Variants in ALDH4A1 observed in about 807,000 individuals in gnomAD.
The protein encoded by ALDH4A1 is delta-1-pyrroline-5-carboxylate dehydrogenase, mitochondrial.
Under a neutral mutation model 70.5 loss-of-function variants are expected in ALDH4A1, and 46 were observed. The ratio of observed to expected loss-of-function variants is 0.65; its 90% CI spans 0.51 to 0.83. The LOEUF is 0.83. Ranked by LOEUF, ALDH4A1 falls within the 40% of genes least tolerant of loss-of-function variation. The pLI, the probability that ALDH4A1 is intolerant of heterozygous loss-of-function variation, is 0.00. For missense variants in ALDH4A1, 749 were observed against 766.5 expected (o/e 0.98, Z 0.27); for synonymous variants, 323 against 324.3 (o/e 1.00, Z 0.04).
chr1:18,877,653 C>T (rs758838564), intron 9 of ALDH4A1, 41 bp from the exon 10 acceptor site: 2 of 1,393,884 alleles, frequency 1.4e-6, no homozygotes, highest in Admixed American at 3.4e-5. Flanking sequence ...GAGGAGCTGG[C>T]TCCCCCGGTT....
At chr1:18,884,036 A>G (rs1935095402) in intron 5 of ALDH4A1, among the ~76,000 whole-genome samples, 1 of 152,196 alleles carries the variant, frequency 6.6e-6, no homozygotes, top group South Asian at 2.1e-4. Context: ...TTCCAGATTG[A>G]CGTGGCCTCC....
intron 14 of ALDH4A1, among the ~76,000 whole-genome samples, chr1:18,874,037 C>T (rs191952150): frequency 9.2e-4 from 140 of 152,322 alleles, no homozygotes; most frequent in Admixed American, 2.5e-3. Flanking sequence ...CCATCAAGAG[C>T]TGGAGAACTG....
At chr1:18,886,712 T>C (rs1935219612) in intron 3 of ALDH4A1, among the ~76,000 whole-genome samples, 1 of 151,914 alleles carries the variant, frequency 6.6e-6, no homozygotes, top group African/African-American at 2.4e-5. Flanking sequence ...CGCTATACCA[T>C]GAGTAAGACA....
intron 9 of ALDH4A1, among the ~76,000 whole-genome samples, chr1:18,878,699 C>T (rs72936427): frequency 6.6e-6 from 1 of 152,186 alleles, no homozygotes. Flanking sequence ...ATGTGCCATG[C>T]GTATTAGAGC....
intron 1 of ALDH4A1, among the ~76,000 whole-genome samples, chr1:18,900,446 A>T (rs1221266003): frequency 6.6e-6 from 1 of 152,238 alleles, no homozygotes; most frequent in Non-Finnish European, 1.5e-5. Context: ...TCTCAACCGG[A>T]GGTGACTTTT....
chr1:18,877,389 C>G (rs190991471), intron 10 of ALDH4A1, 27 bp downstream of exon 10: 5 of 1,554,672 alleles, frequency 3.2e-6, no homozygotes, highest in African/African-American at 1.4e-5. Flanking sequence ...CCCGCTGGGC[C>G]GCGGCGGGGG....
At chr1:18,899,518 T>G (rs1340159691) in intron 1 of ALDH4A1, among the ~76,000 whole-genome samples, 1 of 152,142 alleles carries the variant, frequency 6.6e-6, no homozygotes, top group Non-Finnish European at 1.5e-5. Context: ...CTGAGGATAC[T>G]GATGGTAAAG....
At chr1:18,889,543 GC>G (rs1486858108) in intron 2 of ALDH4A1, 89 bp from the exon 3 acceptor site, 3 of 1,212,774 alleles carry the variant, frequency 2.5e-6, no homozygotes, top group African/African-American at 3.0e-5. Flanking sequence ...AGACGGAGGT[GC>G]CCAGGCAATA....
intron 9 of ALDH4A1, among the ~76,000 whole-genome samples, chr1:18,878,927 C>T (rs1402180333): frequency 6.6e-6 from 1 of 152,238 alleles, no homozygotes; most frequent in Non-Finnish European, 1.5e-5. Context: ...AAGTTCATTC[C>T]CACTTCTGGT....
At chr1:18,896,009 C>T (rs903950923) in intron 1 of ALDH4A1, among the ~76,000 whole-genome samples, 4 of 152,126 alleles carry the variant, frequency 2.6e-5, no homozygotes, top group African/African-American at 9.7e-5. Context: ...ATCACCCTGC[C>T]CCATTTGGTG....
intron 9 of ALDH4A1, 91 bp from the exon 10 acceptor site, chr1:18,877,703 C>T (rs568298612): frequency 2.7e-6 from 4 of 1,467,524 alleles, no homozygotes; most frequent in Admixed American, 1.9e-5. Context: ...ATCCATGGCC[C>T]GGGACCAACA....
Position 18,879,454 on chromosome 1 carries a change from C to CG in ALDH4A1, c.867-82dup, listed in dbSNP as rs565534004. On this transcript the variant is annotated intron_variant, in intron 8 of 14. Coordinates refer to ENST00000375341, the MANE Select transcript of ALDH4A1 (RefSeq NM_003748.4). ...GGAAAAGCCCAGGGAGGAGCATTGC[C>CG]GGGGGCAGCCCAGCAGGAGGTGGGA... 9 of 1,279,622 alleles carry CG rather than the reference C, an allele frequency of 7.0e-6. No homozygotes were observed. In the African/African-American group the frequency reaches 1.0e-4, roughly 15 times the overall value. The allele number at this position is 1,279,622 out of a possible 1,614,324, so 79.3% of individuals were successfully genotyped here.
intron 14 of ALDH4A1, among the ~76,000 whole-genome samples, chr1:18,873,553 A>G (rs1269580803): frequency 3.9e-5 from 6 of 152,120 alleles, no homozygotes; most frequent in South Asian, 2.1e-4. Context: ...CAATGATTGA[A>G]TCAATCGTGC....
chr1:18,894,333 G>C (rs1440412941), intron 1 of ALDH4A1, among the ~76,000 whole-genome samples: 1 of 152,194 alleles, frequency 6.6e-6, no homozygotes, highest in Non-Finnish European at 1.5e-5. Flanking sequence ...TTGAGGTCAG[G>C]AGTTCGAGAC....
intron 1 of ALDH4A1, among the ~76,000 whole-genome samples, chr1:18,891,560 T>C (rs1253297152): frequency 6.6e-6 from 1 of 151,966 alleles, no homozygotes; most frequent in African/African-American, 2.4e-5. Context: ...AGGAAACCCA[T>C]GGGGTTTGGC....
rs188379696 is a variant in ALDH4A1 at position 18,900,576 on chromosome 1, C to T, written c.62+1886G>A. 4.5e-3 allele frequency among the ~76,000 whole-genome samples: 687 copies of T among 152,244 alleles called. 2 individuals carry two copies. Among genetic ancestry groups the T allele is most frequent in the Non-Finnish European group, 6.8e-3 (465 of 68,030 alleles). On this transcript the variant is annotated intron_variant, in intron 1 of 14. Transcript: ENST00000375341. ...ACATGCAGCGGGTAAAGGCCAGAGA[C>T]GCTGCTAAACATTCTACAGTGCACA...
intron 1 of ALDH4A1, among the ~76,000 whole-genome samples, chr1:18,892,963 T>C (rs1011608367): frequency 6.6e-6 from 1 of 152,168 alleles, no homozygotes; most frequent in Non-Finnish European, 1.5e-5. Flanking sequence ...CCTGGGACCA[T>C]CTGGAAGCTT....
At chr1:18,873,863 G>A (rs7517638) in intron 14 of ALDH4A1, among the ~76,000 whole-genome samples, 28,752 of 152,226 alleles carry the variant, frequency 0.19, 3,269 homozygotes, top group Middle Eastern at 0.26. Flanking sequence ...CTTCTAATGC[G>A]TCGCAAAGTC....
chr1:18,890,237 TG>T (rs1187247445), intron 1 of ALDH4A1, 132 bp from the exon 2 acceptor site: 8 of 760,852 alleles, frequency 1.1e-5, no homozygotes, highest in Middle Eastern at 3.7e-4. Context: ...AACTAGAAAG[TG>T]GGGGGTCAAA....
Sources: allele counts gnomAD v4.1 joint callset (sites outside exome capture counted in the v4.1 genomes callset), GRCh38; gene constraint gnomAD v4.1.1; transcripts MANE v1.5; gene names NCBI Gene and HGNC (gene_info 2026-07-23, HGNC 2026-07-21).